CELF5: variants seen among roughly 807,000 people sequenced by gnomAD.
CELF5 encodes CUGBP Elav-like family member 5.
Under a neutral mutation model 54.9 loss-of-function variants are expected in CELF5, and 6 were observed. The observed-to-expected ratio is 0.11, with a 90% confidence interval of 0.06 to 0.22. CELF5 has a LOEUF of 0.22. CELF5 is among the 10% of genes least tolerant of loss of function. The pLI is 1.00. For synonymous variants in CELF5, 271 were observed against 290.9 expected (o/e 0.93, Z 0.70); for missense variants, 401 against 678.6 (o/e 0.59, Z 4.54).
At chr19:3,292,344 T>C (rs1213672367) in intron 11 of CELF5, among the ~76,000 whole-genome samples, 1 of 150,274 alleles carries the variant, frequency 6.7e-6, no homozygotes, top group East Asian at 2.0e-4. Context: ...GTGCCATCAG[T>C]GCGATCTCGG....
chr19:3,225,125 C>T lies in CELF5; in HGVS notation c.259+127C>T, dbSNP rs1410722241. On this transcript the variant is annotated intron_variant, in intron 1 of 12. Transcript: ENST00000292672. Reference sequence around the variant, plus strand: ...CCTCCTCTGCCTGCCTCTGCCGGAGCATCGGTTCTTACCCCCTCCCTCCCA... The same window carrying T: ...CCTCCTCTGCCTGCCTCTGCCGGAGTATCGGTTCTTACCCCCTCCCTCCCA... 6.3e-5 allele frequency: 40 copies of T among 634,984 alleles called. No homozygotes were observed. The Middle Eastern group carries it at 1.4e-3, about 21-fold the overall frequency. The allele number at this position is 634,984 out of a possible 1,614,324, so 39.3% of individuals were successfully genotyped here. A position where few individuals can be genotyped will look rare whatever the true frequency, so the allele number is the denominator to read the frequency against.
chr19:3,229,553 T>C (rs1001987851), intron 1 of CELF5, among the ~76,000 whole-genome samples: 2 of 152,090 alleles, frequency 1.3e-5, no homozygotes, highest in Non-Finnish European at 2.9e-5. Flanking sequence ...GGAGATGAGA[T>C]GAGTCTGGTT....
intron 2 of CELF5, among the ~76,000 whole-genome samples, chr19:3,257,880 G>A (rs1315915117): frequency 1.3e-5 from 2 of 151,102 alleles, no homozygotes; most frequent in African/African-American, 4.9e-5. Context: ...ATGCAGTGGT[G>A]CGATCATAGC....
rs924680420 is a variant in CELF5, at chr19:3,228,337, A to G, written c.259+3339A>G. Reference sequence around the variant, plus strand: ...GACCCCCACCCCAGGCCAGGGGCTCAGGCCAAGAACTGGAGGCTGGGATTG... The same window carrying G: ...GACCCCCACCCCAGGCCAGGGGCTCGGGCCAAGAACTGGAGGCTGGGATTG... On this transcript the variant is annotated intron_variant, in intron 1 of 12. Coordinates refer to ENST00000292672, the MANE Select transcript of CELF5 (RefSeq NM_021938.4). This position sits in a 1 kb window ranked among gnomAD's most constrained non-coding sequence, Gnocchi z 6.0. 6.6e-6 allele frequency among the ~76,000 whole-genome samples: 1 copy of G among 152,164 alleles called. No homozygotes were observed. The highest frequency in any genetic ancestry group is 2.4e-5 in the African/African-American group (1 of 41,452).
At chr19:3,285,378 CT>C (rs2080223268) in intron 9 of CELF5, among the ~76,000 whole-genome samples, 1 of 148,770 alleles carries the variant, frequency 6.7e-6, no homozygotes, top group African/African-American at 2.5e-5. Flanking sequence ...CCACGCCTCT[CT>C]GATAAAGCCC....
intron 10 of CELF5, among the ~76,000 whole-genome samples, chr19:3,287,808 AAAG>A (rs751037611): frequency 6.6e-4 from 101 of 152,052 alleles, no homozygotes; most frequent in Admixed American, 1.3e-3. Context: ...CGTTAAGAGA[AAAG>A]AAAGATGGGA....
intron 1 of CELF5, among the ~76,000 whole-genome samples, chr19:3,239,829 C>T (rs1403145789): frequency 6.6e-6 from 1 of 152,070 alleles, no homozygotes; most frequent in African/African-American, 2.4e-5. Context: ...TCCTGCACTC[C>T]AGTCCCTTCT....
chr19:3,283,206 A>T (rs920537786), intron 8 of CELF5, among the ~76,000 whole-genome samples: 1 of 152,224 alleles, frequency 6.6e-6, no homozygotes, highest in African/African-American at 2.4e-5. Context: ...ACCTGCTTTC[A>T]TGAAGCAGAG....
chr19:3,247,613 C>T (rs541725757), intron 1 of CELF5, among the ~76,000 whole-genome samples: 17 of 150,736 alleles, frequency 1.1e-4, no homozygotes, highest in Admixed American at 5.9e-4. Context: ...TGTCTTGGGT[C>T]GAGACATAGA....
rs564169671 is a variant in CELF5 at position 3,275,081 on chromosome 19, C to T, written c.395-775C>T. ...GGTTTCTCTCTCTCCCTCCCACCCC[C>T]ATGAGTGACAGCTGCCGAGAGCGGT... On this transcript the variant is annotated intron_variant, in intron 3 of 12. Coordinates refer to ENST00000292672, the MANE Select transcript of CELF5 (RefSeq NM_021938.4). This position sits in a 1 kb window ranked among gnomAD's most constrained non-coding sequence, Gnocchi z 6.7. Among the ~76,000 whole-genome samples the T allele has an allele frequency of 1.5e-4, 23 of 152,268 alleles. No individual in the cohort carries two copies. The highest frequency in any genetic ancestry group is 5.1e-4 in the African/African-American group (21 of 41,530).
intron 1 of CELF5, among the ~76,000 whole-genome samples, chr19:3,242,762 T>C (rs2079509107): frequency 6.6e-6 from 1 of 151,950 alleles, no homozygotes; most frequent in African/African-American, 2.4e-5. Context: ...GCCGAGATTG[T>C]GCCATTGCAC....
At chr19:3,225,873 C>T (rs1005962634) in intron 1 of CELF5, among the ~76,000 whole-genome samples, 1 of 152,104 alleles carries the variant, frequency 6.6e-6, no homozygotes, top group African/African-American at 2.4e-5. Flanking sequence ...TGGACGTGTC[C>T]ATCTGGGCAG....
intron 1 of CELF5, among the ~76,000 whole-genome samples, chr19:3,242,847 C>T (rs1250299345): frequency 6.6e-6 from 1 of 152,080 alleles, no homozygotes; most frequent in East Asian, 1.9e-4. Flanking sequence ...ACCTGTAATC[C>T]CAGCTACTCA....
intron 1 of CELF5, 77 bp downstream of exon 1, chr19:3,225,075 T>A: frequency 1.2e-6 from 1 of 857,390 alleles, no homozygotes; most frequent in Non-Finnish European, 1.6e-6. Flanking sequence ...CTCTCCCCCA[T>A]CACCATCCCT....
chr19:3,227,798 C>CA (rs1362867116), intron 1 of CELF5, among the ~76,000 whole-genome samples: 2 of 152,088 alleles, frequency 1.3e-5, no homozygotes, highest in African/African-American at 4.8e-5. Flanking sequence ...CATTACCCCC[C>CA]CTGCCTTCCT....
chr19:3,277,709 G>A (rs1361646585), intron 4 of CELF5, among the ~76,000 whole-genome samples: 1 of 152,012 alleles, frequency 6.6e-6, no homozygotes, highest in East Asian at 1.9e-4. Flanking sequence ...GTGGGACTGT[G>A]TTTCCATTCA....
At chr19:3,280,079 C>T (rs1156495853) in intron 5 of CELF5, among the ~76,000 whole-genome samples, 3 of 152,166 alleles carry the variant, frequency 2.0e-5, no homozygotes, top group East Asian at 3.9e-4. Flanking sequence ...CCTGGCTCAC[C>T]GCTGCTTCGA....
intron 2 of CELF5, among the ~76,000 whole-genome samples, chr19:3,256,558 ATT>A (rs1211504489): frequency 6.7e-6 from 1 of 148,586 alleles, no homozygotes; most frequent in African/African-American, 2.5e-5. Context: ...TATTATTATT[ATT>A]ATTATTATTA....
At chr19:3,244,821 C>T (rs372434359) in intron 1 of CELF5, among the ~76,000 whole-genome samples, 61 of 129,300 alleles carry the variant, frequency 4.7e-4, no homozygotes, top group Non-Finnish European at 7.0e-4. Flanking sequence ...TATATGTGTG[C>T]GTATGTGGTG....
Sources: gnomAD v4.1 joint callset for allele counts (sites outside exome capture counted in the v4.1 genomes callset) on GRCh38, gnomAD v4.1.1 for gene constraint, Gnocchi (gnomAD v3.1) non-coding constraint, MANE v1.5 for transcripts, NCBI Gene and HGNC (gene_info 2026-07-23, HGNC 2026-07-21) for gene names.